FCHSD2: variants seen among roughly 807,000 people sequenced by gnomAD.
FCHSD2 encodes FCH and double SH3 domains 2.
A neutral mutation model predicts 108.1 loss-of-function variants in FCHSD2; 38 were observed. That is an observed-to-expected ratio of 0.35 (90% CI 0.27 to 0.46). FCHSD2 has a LOEUF of 0.46. Ranked by LOEUF, FCHSD2 falls within the 20% of genes least tolerant of loss-of-function variation. The pLI is 1.00. For synonymous variants in FCHSD2, 279 were observed against 314.7 expected (o/e 0.89, Z 1.20); for missense variants, 751 against 897.8 (o/e 0.84, Z 2.09).
chr11:72,893,170 T>C (rs1855352303), intron 10 of FCHSD2, among the ~76,000 whole-genome samples: 1 of 151,856 alleles, frequency 6.6e-6, no homozygotes, highest in Admixed American at 6.6e-5. Context: ...CAGTTAACTT[T>C]TTGTATTTTT....
In FCHSD2 at chr11:73,142,147, G is replaced by T; in HGVS notation, c.-270C>A. ...CCGGGGGTGTGTGAGGAAGGAGGCG[G>T]AGACGGCGAGGGGGCGGGGGCCCCA... On this transcript the variant is annotated 5_prime_UTR_variant, in exon 1 of 20. Transcript: ENST00000409418. 1 of 287,634 alleles carries T rather than the reference G, an allele frequency of 3.5e-6. No homozygotes were observed. The highest frequency in any genetic ancestry group is 6.5e-6 in the Non-Finnish European group (1 of 154,492). 17.8% of individuals were successfully genotyped at this position (287,634 alleles called of 1,614,324 possible).
intron 12 of FCHSD2, among the ~76,000 whole-genome samples, chr11:72,870,984 C>G (rs1469879115): frequency 4.7e-5 from 7 of 149,638 alleles, no homozygotes; most frequent in Admixed American, 4.7e-4. Context: ...ACAGTAATGT[C>G]TTTGCTTTTA....
chr11:73,056,319 T>C (rs767233805), intron 3 of FCHSD2, among the ~76,000 whole-genome samples: 5 of 152,214 alleles, frequency 3.3e-5, no homozygotes, highest in African/African-American at 1.2e-4. Flanking sequence ...AAAATCTCTT[T>C]GATGCAAACA....
At chr11:72,872,059 A>G (rs1227249527) in intron 12 of FCHSD2, among the ~76,000 whole-genome samples, 1 of 152,090 alleles carries the variant, frequency 6.6e-6, no homozygotes, top group Non-Finnish European at 1.5e-5. Context: ...AACATTACAT[A>G]AAATTTACTA....
chr11:72,952,499 A>T (rs1490071002), intron 8 of FCHSD2, among the ~76,000 whole-genome samples: 2 of 151,818 alleles, frequency 1.3e-5, no homozygotes, highest in African/African-American at 4.8e-5. Context: ...TAATTTTTAT[A>T]TTTTTAGTAG....
intron 3 of FCHSD2, among the ~76,000 whole-genome samples, chr11:73,074,214 GAATAAACTTTTCAATCCATATAGAAA>G (rs1196354144): frequency 1.3e-5 from 2 of 152,064 alleles, no homozygotes; most frequent in Non-Finnish European, 2.9e-5. Flanking sequence ...CAGTCAGGGG[GAATAAACTTTTCAATCCATATAGAAA>G]AATAAACTTT....
intron 8 of FCHSD2, among the ~76,000 whole-genome samples, chr11:72,970,395 GA>G (rs758307320): frequency 3.9e-5 from 6 of 152,140 alleles, no homozygotes; most frequent in African/African-American, 1.4e-4. Context: ...AAAGGTAATG[GA>G]AAAATATCAT....
At chr11:73,065,810 C>T (rs909972612) in intron 3 of FCHSD2, among the ~76,000 whole-genome samples, 19 of 152,140 alleles carry the variant, frequency 1.2e-4, no homozygotes, top group Middle Eastern at 6.8e-3. Flanking sequence ...TGTGAAGGAC[C>T]TCTTCAAGGA....
At chr11:73,027,846 C>T (rs1165404035) in intron 3 of FCHSD2, among the ~76,000 whole-genome samples, 1 of 152,244 alleles carries the variant, frequency 6.6e-6, no homozygotes, top group Non-Finnish European at 1.5e-5. Flanking sequence ...TAAAAGGGGC[C>T]AAGGTACAGC....
intron 8 of FCHSD2, among the ~76,000 whole-genome samples, chr11:72,954,205 T>A (rs1003078039): frequency 1.2e-4 from 17 of 138,748 alleles, no homozygotes; most frequent in African/African-American, 3.8e-4. Flanking sequence ...GATTTTTTTT[T>A]TTTTTTTTTT....
intron 3 of FCHSD2, among the ~76,000 whole-genome samples, chr11:73,024,143 T>C (rs989339719): frequency 6.6e-6 from 1 of 152,090 alleles, no homozygotes; most frequent in African/African-American, 2.4e-5. Flanking sequence ...AGACAAAGAA[T>C]GACTCTTAAT....
chr11:72,852,661 TAA>T (rs113840704), intron 13 of FCHSD2, among the ~76,000 whole-genome samples: 2 of 143,582 alleles, frequency 1.4e-5, no homozygotes, highest in African/African-American at 2.6e-5. Flanking sequence ...AAGATTGTCT[TAA>T]AAAAAAAAAA....
intron 13 of FCHSD2, among the ~76,000 whole-genome samples, chr11:72,866,796 T>A (rs1854737011): frequency 6.6e-6 from 1 of 152,252 alleles, no homozygotes; most frequent in Non-Finnish European, 1.5e-5. Flanking sequence ...TTGACAAAAC[T>A]TCCAAGAATG....
intron 3 of FCHSD2, among the ~76,000 whole-genome samples, chr11:73,070,156 C>A (rs560483366): frequency 6.6e-6 from 1 of 152,256 alleles, no homozygotes; most frequent in Non-Finnish European, 1.5e-5. Flanking sequence ...ATGTTCCTAG[C>A]CTTCATATAA....
chr11:73,132,366 T>C (rs961903370), intron 2 of FCHSD2, among the ~76,000 whole-genome samples: 1 of 152,228 alleles, frequency 6.6e-6, no homozygotes, highest in East Asian at 1.9e-4. Context: ...AAGGTCAATA[T>C]TAATCTTGTT....
At chr11:73,056,939 C>T (rs1436468398) in intron 3 of FCHSD2, among the ~76,000 whole-genome samples, 3 of 151,986 alleles carry the variant, frequency 2.0e-5, no homozygotes, top group Non-Finnish European at 2.9e-5. Flanking sequence ...AAAAATTAGC[C>T]GGGCATGGTG....
At chr11:73,138,660 G>A (rs564207897) in intron 2 of FCHSD2, among the ~76,000 whole-genome samples, 1 of 145,560 alleles carries the variant, frequency 6.9e-6, no homozygotes, top group East Asian at 2.0e-4. Context: ...CCAGGCTGGA[G>A]AGCAGTGGTG....
intron 8 of FCHSD2, among the ~76,000 whole-genome samples, chr11:72,944,226 G>T (rs1856475452): frequency 6.6e-6 from 1 of 152,154 alleles, no homozygotes; most frequent in Non-Finnish European, 1.5e-5. Context: ...TCATCCCTGG[G>T]ATGCAAGGCT....
In FCHSD2 at chr11:72,907,598, G is replaced by GTTTTTTTTTTTTTTTTTTTTTTTTTT. The variant is rs200788964; in HGVS notation, c.829-4961_829-4960insAAAAAAAAAAAAAAAAAAAAAAAAAA. ...CTGCATCTATTGAGATAATCACGTGGGTTTTTTTTTTTTTTTTTTTTCTTG... is the reference window on the plus strand; with the variant it reads ...CTGCATCTATTGAGATAATCACGTGGTTTTTTTTTTTTTTTTTTTTTTTTTTGTTTTTTTTTTTTTTTTTTTTCTTG... On this transcript the variant is annotated intron_variant, in intron 9 of 19. Transcript: ENST00000409418. Among the ~76,000 whole-genome samples, 2 of 72,714 alleles carry GTTTTTTTTTTTTTTTTTTTTTTTTTT rather than the reference G, an allele frequency of 2.8e-5. 1 individual carries two copies. 47.7% of individuals were successfully genotyped at this position (72,714 alleles called of 152,430 possible). A position where few individuals can be genotyped will look rare whatever the true frequency, so the allele number is the denominator to read the frequency against.
Sources: allele counts gnomAD v4.1 joint callset (sites outside exome capture counted in the v4.1 genomes callset), GRCh38; gene constraint gnomAD v4.1.1; transcripts MANE v1.5; gene names NCBI Gene and HGNC (gene_info 2026-07-23, HGNC 2026-07-21).